SUV39H1: variants seen among roughly 807,000 people sequenced by gnomAD.
SUV39H1 encodes the protein SUV39H1 histone lysine methyltransferase, also known as histone-lysine N-methyltransferase SUV39H1.
For synonymous variants in SUV39H1, 141 were observed against 150.5 expected (o/e 0.94, Z 0.46); for missense variants, 180 against 386.3 (o/e 0.47, Z 4.48).
intron 3 of SUV39H1, chrX:48,701,004 C>T: frequency 2.3e-6 from 1 of 442,770 alleles, no homozygotes; most frequent in Non-Finnish European, 4.1e-6. Flanking sequence ...TATCAGGGTA[C>T]TTAGCAAAGA....
chrX:48,699,059 G>T lies in SUV39H1; in HGVS notation c.165+12G>T, dbSNP rs1557009051. The T allele has an allele frequency of 1.3e-5, 15 of 1,198,006 alleles. No homozygotes were observed. Among genetic ancestry groups the T allele is most frequent in the Non-Finnish European group, 1.7e-5 (15 of 887,661 alleles). On this transcript the variant is annotated intron_variant, in intron 2 of 5. Transcript: ENST00000376687. Reference sequence around the variant, plus strand: ...ACAAGAAGATCCGCGTGAGTCTGGGGTGACCATGCTCTGGGAGGGGACAGG... The same window carrying T: ...ACAAGAAGATCCGCGTGAGTCTGGGTTGACCATGCTCTGGGAGGGGACAGG...
intron 3 of SUV39H1, among the ~76,000 whole-genome samples, chrX:48,704,152 G>A (rs1218161027): frequency 6.3e-5 from 7 of 110,968 alleles, no homozygotes; most frequent in African/African-American, 2.3e-4. Context: ...GAGCTGTTAG[G>A]GAGCAGAGAC....
chrX:48,699,043 T>C lies in SUV39H1; in HGVS notation c.161T>C (p.Ile54Thr), dbSNP rs782300772. The part of the protein sequence containing the change: ...EVEYLCDYKK[I>T]REQEYYLVKW... ...GAGTACCTGTGCGATTACAAGAAGA[T>C]CCGCGTGAGTCTGGGGTGACCATGC... is the stretch of plus-strand genomic sequence containing the variant. Residue 54 changes from isoleucine to threonine, a missense_variant, in exon 2 of 6, where the codon ATC becomes ACC. Ile to Thr is a moderately conservative substitution (Grantham distance 89). Transcript: ENST00000376687. The C allele has an allele frequency of 8.3e-7, 1 of 1,207,095 alleles. No individual in the cohort carries two copies. The highest frequency in any genetic ancestry group is 1.8e-5 in the South Asian group (1 of 55,992).
Position 48,700,474 on chromosome X carries a change from C to T in SUV39H1, c.549C>T (p.Cys183=). The part of the protein sequence containing the change: ...TLNQVAVGCE[C]QDCLWAPTGG... ...ACCAGGTGGCTGTGGGCTGCGAGTG[C>T]CAGGACTGTCTGTGGGCACCCACTG... is the stretch of plus-strand genomic sequence containing the variant. Residue 183 remains cysteine, a synonymous_variant, in exon 3 of 6, where the codon TGC becomes TGT. Coordinates refer to ENST00000376687, the MANE Select transcript of SUV39H1 (RefSeq NM_003173.4). 2 of 1,212,065 alleles carry T rather than the reference C, an allele frequency of 1.7e-6. No individual in the cohort carries two copies. The highest frequency in any genetic ancestry group is 1.1e-6 in the Non-Finnish European group (1 of 895,581).
Position 48,706,053 on chromosome X carries a change from T to G in SUV39H1, c.829-212T>G, listed in dbSNP as rs1030924398. 2.7e-5 allele frequency among the ~76,000 whole-genome samples: 3 copies of G among 112,877 alleles called. No individual in the cohort carries two copies. The East Asian group carries it at 8.5e-4, about 32-fold the overall frequency. On this transcript the variant is annotated intron_variant, in intron 3 of 5. Transcript: ENST00000376687. ...CCAGCCTGCACTCACCGCCAGGGAC[T>G]CCTCCTGCTAGCCAGAGGCCTGAGG... is the stretch of plus-strand genomic sequence containing the variant.
In SUV39H1 at chrX:48,700,598, C is replaced by T. The variant is rs782079518; in HGVS notation, c.673C>T (p.Arg225Cys). The T allele has an allele frequency of 1.6e-6, 2 of 1,212,272 alleles. No homozygotes were observed. Among genetic ancestry groups the T allele is most frequent in the Non-Finnish European group, 2.2e-6 (2 of 895,576 alleles). ...GCTGCCCATCTACGAGTGCAACTCC[C>T]GCTGCCGCTGCGGCTATGACTGCCC... ...AGLPIYECNS[R>C]CRCGYDCPNR... is the part of the protein sequence containing the mutation. The change falls in exon 3 of 6, where the codon CGC (arginine) becomes TGC (cysteine). Residue 225 changes from arginine to cysteine, a missense_variant. Physicochemically the swap from Arg to Cys is radical, Grantham distance 180 (BLOSUM62 -3). Transcript: ENST00000376687.
chrX:48,704,886 C>T (rs782286928), intron 3 of SUV39H1, among the ~76,000 whole-genome samples: 2 of 111,481 alleles, frequency 1.8e-5, no homozygotes, highest in South Asian at 3.8e-4. Context: ...CTGATCAGAC[C>T]GTGAGCCCTG....
Position 48,699,351 on chromosome X carries a change from A to C in SUV39H1, c.165+304A>C, listed in dbSNP as rs900136788. On this transcript the variant is annotated intron_variant, in intron 2 of 5. Transcript: ENST00000376687. ...AAATGTCAATAGCTAATGGCTATTG[A>C]GCACTTTCAGTGTGCCAGGCGTTTC... Among the ~76,000 whole-genome samples the C allele has an allele frequency of 2.5e-4, 28 of 111,541 alleles. 1 individual carries two copies. The highest frequency in any genetic ancestry group is 3.8e-5 in the Non-Finnish European group (2 of 53,050).
intron 3 of SUV39H1, among the ~76,000 whole-genome samples, chrX:48,701,788 T>C (rs1408626893): frequency 2.7e-5 from 3 of 111,716 alleles, no homozygotes; most frequent in East Asian, 5.6e-4. Context: ...GTCTCATGCA[T>C]TGGGGGACAT....
chrX:48,698,817 GT>G (rs2062464700), intron 1 of SUV39H1, 84 bp from the exon 2 acceptor site: 5 of 1,085,599 alleles, frequency 4.6e-6, no homozygotes, highest in African/African-American at 1.9e-5. Context: ...TCTTTGGGAT[GT>G]CCCAGGGAGG....
chrX:48,707,640 T>G lies in SUV39H1; in HGVS notation c.*70T>G. ...ACATGCACCTCCCCCACTGCTGCCCTCCTGTCGAGAATGACTGCCAGGGCC... is the reference window on the plus strand; with the variant it reads ...ACATGCACCTCCCCCACTGCTGCCCGCCTGTCGAGAATGACTGCCAGGGCC... On this transcript the variant is annotated 3_prime_UTR_variant, in exon 6 of 6. Coordinates refer to ENST00000376687, the MANE Select transcript of SUV39H1 (RefSeq NM_003173.4). The G allele has an allele frequency of 1.7e-6, 2 of 1,167,298 alleles. No homozygotes were observed. The highest frequency in any genetic ancestry group is 6.0e-5 in the East Asian group (2 of 33,304).
chrX:48,700,846 C>T (rs940352238), intron 3 of SUV39H1, 93 bp downstream of exon 3: 1 of 1,043,210 alleles, frequency 9.6e-7, no homozygotes, highest in African/African-American at 1.8e-5. Context: ...TCTGAAACTC[C>T]CTGCTTTCCC....
chrX:48,705,898 T>C (rs1557010047), intron 3 of SUV39H1, among the ~76,000 whole-genome samples: 1 of 112,730 alleles, frequency 8.9e-6, no homozygotes, highest in African/African-American at 3.2e-5. Context: ...TTCTTGCCCT[T>C]GCTTTGGTCT....
chrX:48,697,897 A>G (rs1288006528), intron 1 of SUV39H1, among the ~76,000 whole-genome samples: 2 of 112,340 alleles, frequency 1.8e-5, no homozygotes, highest in African/African-American at 6.5e-5. Context: ...AGTCCCAGAA[A>G]TATACCAGGT....
intron 1 of SUV39H1, among the ~76,000 whole-genome samples, chrX:48,697,105 C>T (rs2062459203): frequency 9.1e-6 from 1 of 110,401 alleles, no homozygotes; most frequent in African/African-American, 3.3e-5. Context: ...GTCGAGGAGG[C>T]CGCGCCCGCG....
intron 3 of SUV39H1, 127 bp from the exon 4 acceptor site, chrX:48,706,138 C>A: frequency 1.1e-6 from 1 of 906,268 alleles, no homozygotes; most frequent in Non-Finnish European, 1.5e-6. Context: ...AGACTCTCTG[C>A]GTCACTGCCC....
In SUV39H1 at chrX:48,700,411, C is replaced by T; in HGVS notation, c.486C>T (p.Tyr162=). 1 of 1,212,226 alleles carries T rather than the reference C, an allele frequency of 8.2e-7. No individual in the cohort carries two copies. The highest frequency in any genetic ancestry group is 1.1e-6 in the Non-Finnish European group (1 of 895,582). ...DLDGPPRAFV[Y]INEYRVGEGI... ...ACGGCCCTCCGCGGGCCTTCGTGTA[C>T]ATCAATGAGTACCGTGTTGGTGAGG... Residue 162 remains tyrosine, a synonymous_variant, in exon 3 of 6, where the codon TAC becomes TAT. Transcript: ENST00000376687.
At chrX:48,696,694 G>C, upstream of SUV39H1, 1 of 1,088,175 alleles carries the variant, frequency 9.2e-7, no homozygotes, top group Non-Finnish European at 1.2e-6. Flanking sequence ...CGGGAGCCGC[G>C]GCCAATAGGC....
chrX:48,701,502 G>C (rs1263671525), intron 3 of SUV39H1, among the ~76,000 whole-genome samples: 1 of 111,663 alleles, frequency 9.0e-6, no homozygotes, highest in East Asian at 2.8e-4. Flanking sequence ...GGGCCAAGTG[G>C]GGGATAGAAG....
Sources: allele counts gnomAD v4.1 joint callset (sites outside exome capture counted in the v4.1 genomes callset), GRCh38; gene constraint gnomAD v4.1.1; transcripts MANE v1.5; gene names NCBI Gene and HGNC (gene_info 2026-07-23, HGNC 2026-07-21).